Variants in WDR70 observed in about 807,000 individuals in gnomAD.
WDR70 encodes the protein WD repeat domain 70.
A neutral mutation model predicts 88.6 loss-of-function variants in WDR70; 53 were observed. The ratio of observed to expected loss-of-function variants is 0.60; its 90% confidence interval spans 0.48 to 0.75. WDR70 has a LOEUF of 0.75. Ranked by LOEUF, WDR70 falls within the 30% of genes least tolerant of loss-of-function variation. WDR70 has a pLI of 0.00. For missense variants in WDR70, 610 were observed against 823.2 expected (o/e 0.74, Z 3.17); for synonymous variants, 280 against 270.0 (o/e 1.04, Z -0.36).
rs560023680 is a variant in WDR70 at position 37,663,303 on chromosome 5, C to T, written c.1093-34352C>T. 1.1e-3 allele frequency among the ~76,000 whole-genome samples: 166 copies of T among 152,248 alleles called. 2 individuals are homozygous for T. Among genetic ancestry groups the T allele is most frequent in the Middle Eastern group, 0.01 (3 of 294 alleles). ...CCAGTTAACTCCAGAACATAGTACT[C>T]GGAGAAAAGGCAAAGGATTATTTGA... On this transcript the variant is annotated intron_variant, in intron 10 of 17. Coordinates refer to ENST00000265107, the MANE Select transcript of WDR70 (RefSeq NM_018034.4).
intron 10 of WDR70, among the ~76,000 whole-genome samples, chr5:37,677,498 T>A (rs567334829): frequency 6.6e-6 from 1 of 152,318 alleles, no homozygotes; most frequent in South Asian, 2.1e-4. Flanking sequence ...ATGTACCCAG[T>A]AGTCATTCAG....
chr5:37,475,938 C>T (rs1174183433), intron 7 of WDR70, among the ~76,000 whole-genome samples: 7 of 151,074 alleles, frequency 4.6e-5, no homozygotes, highest in Admixed American at 3.3e-4. Context: ...CTCCACCTCC[C>T]GGGTTCAAGC....
Position 37,510,166 on chromosome 5 carries a change from G to A in WDR70, c.841-6348G>A, listed in dbSNP as rs150604248. ...AGCTGTAAATTAAAAGGGGTGTAAAGCTTCTTTATACTTCTTTTTCAGATT... is the reference window on the plus strand; with the variant it reads ...AGCTGTAAATTAAAAGGGGTGTAAAACTTCTTTATACTTCTTTTTCAGATT... On this transcript the variant is annotated intron_variant, in intron 8 of 17. Transcript: ENST00000265107. Among the ~76,000 whole-genome samples, 38 of 151,946 alleles carry A rather than the reference G, an allele frequency of 2.5e-4. No individual in the cohort carries two copies. In the East Asian group the frequency reaches 6.8e-3, roughly 27 times the overall value.
chr5:37,527,664 G>A (rs1169614448), intron 9 of WDR70, among the ~76,000 whole-genome samples: 3 of 152,146 alleles, frequency 2.0e-5, no homozygotes, highest in African/African-American at 7.2e-5. Flanking sequence ...CTTCTGCACA[G>A]CAAAAGAAAC....
chr5:37,657,940 A>G (rs1292671418), intron 10 of WDR70, among the ~76,000 whole-genome samples: 2 of 152,246 alleles, frequency 1.3e-5, no homozygotes, highest in Non-Finnish European at 2.9e-5. Flanking sequence ...CTAGTAACCT[A>G]TTGTTAACCA....
At chr5:37,703,192 G>T (rs1479264941) in intron 13 of WDR70, 105 bp downstream of exon 13, 30 of 1,378,190 alleles carry the variant, frequency 2.2e-5, no homozygotes, top group Non-Finnish European at 2.9e-5. Context: ...GGCCCTTAGA[G>T]CACGGTGATA....
intron 5 of WDR70, among the ~76,000 whole-genome samples, chr5:37,398,385 G>A (rs190136972): frequency 2.0e-5 from 3 of 150,458 alleles, no homozygotes; most frequent in Admixed American, 6.6e-5. Context: ...GCGCCCGGCC[G>A]CACTTGGGGT....
intron 10 of WDR70, among the ~76,000 whole-genome samples, chr5:37,606,247 G>A (rs1033955232): frequency 1.3e-5 from 2 of 152,124 alleles, no homozygotes; most frequent in African/African-American, 4.8e-5. Context: ...TACTGATAAT[G>A]CTGAAAATAT....
At chr5:37,391,392 A>G (rs566081088) in intron 3 of WDR70, among the ~76,000 whole-genome samples, 1 of 152,190 alleles carries the variant, frequency 6.6e-6, no homozygotes, top group South Asian at 2.1e-4. Flanking sequence ...CTGAAACTCT[A>G]TACATATTAA....
At chr5:37,684,709 A>G (rs554361742) in intron 10 of WDR70, among the ~76,000 whole-genome samples, 4 of 152,304 alleles carry the variant, frequency 2.6e-5, no homozygotes, top group African/African-American at 9.6e-5. Flanking sequence ...ACTTCTGATC[A>G]TTACACTTGG....
At chr5:37,697,881 C>G in intron 11 of WDR70, 127 bp downstream of exon 11, 1 of 608,448 alleles carries the variant, frequency 1.6e-6, no homozygotes, top group Non-Finnish European at 2.7e-6. Flanking sequence ...CTTTGCCAGT[C>G]TGATTTCTTC....
intron 5 of WDR70, among the ~76,000 whole-genome samples, chr5:37,408,930 A>G (rs1261590341): frequency 1.3e-5 from 2 of 152,080 alleles, no homozygotes; most frequent in Non-Finnish European, 2.9e-5. Context: ...ATTAACATGC[A>G]TGAATTTCAT....
chr5:37,652,427 T>G (rs1480648179), intron 10 of WDR70, among the ~76,000 whole-genome samples: 1 of 152,206 alleles, frequency 6.6e-6, no homozygotes, highest in Non-Finnish European at 1.5e-5. Flanking sequence ...TGTGGGCTCT[T>G]TTTTTGGTTC....
chr5:37,479,169 A>C (rs1739577213), intron 7 of WDR70, among the ~76,000 whole-genome samples: 1 of 152,130 alleles, frequency 6.6e-6, no homozygotes, highest in Admixed American at 6.5e-5. Context: ...GGTAAAGATA[A>C]GTTTATAACA....
At chr5:37,733,485 T>A (rs1218983456) in intron 17 of WDR70, among the ~76,000 whole-genome samples, 1 of 152,150 alleles carries the variant, frequency 6.6e-6, no homozygotes. Context: ...TTGTATAATT[T>A]AATTTTCCTC....
At chr5:37,488,962 T>G (rs1268073168) in intron 8 of WDR70, among the ~76,000 whole-genome samples, 1 of 152,220 alleles carries the variant, frequency 6.6e-6, no homozygotes, top group Non-Finnish European at 1.5e-5. Flanking sequence ...TATTTTTTCC[T>G]GTAGATGTAT....
rs151286874 is a variant in WDR70 at position 37,675,674 on chromosome 5, T to G, written c.1093-21981T>G. ...GTTTGAAGTCAGGTAGCGTGATGCCTCCAGCTTTGTTCTTTTGGCTTCGGA... is the reference window on the plus strand; with the variant it reads ...GTTTGAAGTCAGGTAGCGTGATGCCGCCAGCTTTGTTCTTTTGGCTTCGGA... On this transcript the variant is annotated intron_variant, in intron 10 of 17. Coordinates refer to ENST00000265107, the MANE Select transcript of WDR70 (RefSeq NM_018034.4). Among the ~76,000 whole-genome samples, 995 of 152,292 alleles carry G rather than the reference T, an allele frequency of 6.5e-3. 6 individuals are homozygous for G. Among genetic ancestry groups the G allele is most frequent in the Non-Finnish European group, 8.8e-3 (598 of 68,042 alleles).
chr5:37,482,890 G>A (rs566636671), intron 8 of WDR70, among the ~76,000 whole-genome samples: 71 of 152,054 alleles, frequency 4.7e-4, no homozygotes, highest in African/African-American at 1.6e-3. Context: ...GGTCAAGAAG[G>A]AGAGAGAGAG....
At position 37,408,713 on chromosome 5, in the gene WDR70, T is replaced by C. The variant is rs533560618; in HGVS notation, c.492+12143T>C. Among the ~76,000 whole-genome samples the C allele has an allele frequency of 3.9e-5, 6 of 152,298 alleles. No homozygotes were observed. In the East Asian group the frequency reaches 1.2e-3, roughly 29 times the overall value. On this transcript the variant is annotated intron_variant, in intron 5 of 17. Coordinates refer to ENST00000265107, the MANE Select transcript of WDR70 (RefSeq NM_018034.4). ...AGTTATAGCAATGACAAGTTATTTA[T>C]TTTGAATTTTTTTGGGTCTTTTTAG... is the stretch of plus-strand genomic sequence containing the variant.
Sources: gnomAD v4.1 joint callset for allele counts (sites outside exome capture counted in the v4.1 genomes callset) on GRCh38, gnomAD v4.1.1 for gene constraint, MANE v1.5 for transcripts, NCBI Gene and HGNC (gene_info 2026-07-23, HGNC 2026-07-21) for gene names.